IL17RD: variants seen among roughly 807,000 people sequenced by gnomAD.
The protein encoded by IL17RD is interleukin-17 receptor D.
A neutral mutation model predicts 80.5 loss-of-function variants in IL17RD; 52 were observed. The ratio of observed to expected loss-of-function variants is 0.65; its 90% CI spans 0.52 to 0.81. The LOEUF (loss-of-function observed/expected upper bound fraction) is 0.81. Ranked by LOEUF, IL17RD falls within the 40% of genes least tolerant of loss-of-function variation. The pLI is 0.00. For missense variants in IL17RD, 1,024 were observed against 955.1 expected (o/e 1.07, Z -0.95); for synonymous variants, 416 against 391.8 (o/e 1.06, Z -0.73).
At chr3:57,163,007 T>C (rs910096194) in intron 1 of IL17RD, among the ~76,000 whole-genome samples, 3 of 152,108 alleles carry the variant, frequency 2.0e-5, no homozygotes, top group African/African-American at 7.2e-5. Context: ...GGGAAAAGCA[T>C]GTCTTGGAAG....
At position 57,165,231 on chromosome 3, in the gene IL17RD, T is replaced by C. The variant is rs932284191; in HGVS notation, c.56A>G (p.Asn19Ser). Reference sequence around the variant, plus strand: ...AGCGGCCACAGCCAGCTGCGAGCCGTTGAGGCAGGCGTTGACCGTAAAGAA... The same window carrying C: ...AGCGGCCACAGCCAGCTGCGAGCCGCTGAGGCAGGCGTTGACCGTAAAGAA... ...SVFFTVNACL[N>S]GSQLAVAAGG... Residue 19 changes from asparagine to serine, a missense_variant, in exon 1 of 13, where the codon AAC (asparagine) becomes AGC (serine). By Grantham distance (46) the Asn-to-Ser change is conservative. Coordinates refer to ENST00000296318, the MANE Select transcript of IL17RD (RefSeq NM_017563.5). The C allele has an allele frequency of 1.4e-4, 221 of 1,531,346 alleles. No individual in the cohort carries two copies. The highest frequency in any genetic ancestry group is 1.8e-4 in the Non-Finnish European group (204 of 1,139,374). The allele number at this position is 1,531,346 out of a possible 1,614,324, so 94.9% of individuals were successfully genotyped here. A position where few individuals can be genotyped will look rare whatever the true frequency, so the allele number is the denominator to read the frequency against.
At chr3:57,158,798 G>A (rs1044005574) in intron 1 of IL17RD, among the ~76,000 whole-genome samples, 1 of 152,116 alleles carries the variant, frequency 6.6e-6, no homozygotes, top group Non-Finnish European at 1.5e-5. Context: ...TCAATTTTTA[G>A]TTTCCTGCCT....
chr3:57,160,498 G>A (rs1452576172), intron 1 of IL17RD, among the ~76,000 whole-genome samples: 1 of 152,042 alleles, frequency 6.6e-6, no homozygotes, highest in African/African-American at 2.4e-5. Flanking sequence ...CAGGGGAAGT[G>A]TCAAGTCCTC....
intron 3 of IL17RD, among the ~76,000 whole-genome samples, chr3:57,111,012 G>T (rs778719329): frequency 1.4e-4 from 21 of 152,260 alleles, no homozygotes; most frequent in Middle Eastern, 3.4e-3. Flanking sequence ...CCCACTGCAC[G>T]TCCGACTAGA....
At chr3:57,145,635 G>T (rs1559483309) in intron 1 of IL17RD, among the ~76,000 whole-genome samples, 1 of 152,184 alleles carries the variant, frequency 6.6e-6, no homozygotes, top group Non-Finnish European at 1.5e-5. Context: ...CAAGTGTCTA[G>T]GTAGCAAAAG....
chr3:57,105,536 C>CAAAAAAAAAAAAAAAA lies in IL17RD; in HGVS notation c.747+305_747+320dup, dbSNP rs745910085. Among the ~76,000 whole-genome samples the CAAAAAAAAAAAAAAAA allele has an allele frequency of 2.6e-3, 94 of 35,518 alleles. 6 individuals carry two copies. The highest frequency in any genetic ancestry group is 4.0e-3 in the Non-Finnish European group (68 of 16,876). 23.3% of individuals were successfully genotyped at this position (35,518 alleles called of 152,430 possible). A position where few individuals can be genotyped will look rare whatever the true frequency, so the allele number is the denominator to read the frequency against. ...TGGGCAACAGAGCAAGACTCCATCT[C>CAAAAAAAAAAAAAAAA]AAAAAAAAAAAAAAAAATATATATA... On this transcript the variant is annotated intron_variant, in intron 7 of 12. Coordinates refer to ENST00000296318, the MANE Select transcript of IL17RD (RefSeq NM_017563.5).
At chr3:57,107,018 A>G (rs1706979324) in intron 5 of IL17RD, among the ~76,000 whole-genome samples, 1 of 152,210 alleles carries the variant, frequency 6.6e-6, no homozygotes, top group African/African-American at 2.4e-5. Flanking sequence ...CTATCTGGTT[A>G]TTATGTGCAA....
chr3:57,110,935 C>T lies in IL17RD; in HGVS notation c.311-624G>A, dbSNP rs539401667. Among the ~76,000 whole-genome samples the T allele has an allele frequency of 4.6e-5, 7 of 152,352 alleles. No individual in the cohort carries two copies. The South Asian group carries it at 6.2e-4, about 14-fold the overall frequency. ...CAGTGTGTGCTCTTCATACAGCCTCCGAGGCCCCGAGACACCCACAGCGCC... is the reference window on the plus strand; with the variant it reads ...CAGTGTGTGCTCTTCATACAGCCTCTGAGGCCCCGAGACACCCACAGCGCC... On this transcript the variant is annotated intron_variant, in intron 3 of 12. Transcript: ENST00000296318.
At chr3:57,096,676 T>C (rs934629125) in intron 12 of IL17RD, among the ~76,000 whole-genome samples, 171 bp from the exon 13 acceptor site, 1 of 152,160 alleles carries the variant, frequency 6.6e-6, no homozygotes, top group Non-Finnish European at 1.5e-5. Flanking sequence ...TAACAGGTTC[T>C]AGTTCCCTTA....
At chr3:57,127,275 AATATATATAAAT>A (rs1707491739) in intron 1 of IL17RD, among the ~76,000 whole-genome samples, 1 of 71,918 alleles carries the variant, frequency 1.4e-5, no homozygotes, top group African/African-American at 6.3e-5. Flanking sequence ...TATATATAAA[AATATATATAAAT>A]ATATATAAAT....
intron 1 of IL17RD, among the ~76,000 whole-genome samples, chr3:57,145,736 T>C (rs1422830368): frequency 1.3e-5 from 2 of 152,066 alleles, no homozygotes; most frequent in African/African-American, 4.8e-5. Context: ...ATAAAAATAA[T>C]AGTTAAAATC....
intron 1 of IL17RD, among the ~76,000 whole-genome samples, chr3:57,158,953 G>A (rs969985501): frequency 1.3e-5 from 2 of 152,172 alleles, no homozygotes; most frequent in Non-Finnish European, 2.9e-5. Flanking sequence ...GGTAGAATCT[G>A]CAAATAGAGA....
At chr3:57,117,356 C>T (rs1172311592) in intron 2 of IL17RD, among the ~76,000 whole-genome samples, 1 of 152,084 alleles carries the variant, frequency 6.6e-6, no homozygotes, top group Non-Finnish European at 1.5e-5. Flanking sequence ...TCAGGTGATC[C>T]ACCCGCTTTG....
intron 1 of IL17RD, among the ~76,000 whole-genome samples, chr3:57,157,127 G>A (rs2060273428): frequency 6.6e-6 from 1 of 152,138 alleles, no homozygotes. Context: ...AGGGGAAACT[G>A]AGGCAGAGCA....
chr3:57,108,941 C>G (rs571983807), intron 5 of IL17RD, among the ~76,000 whole-genome samples: 9 of 152,242 alleles, frequency 5.9e-5, no homozygotes, highest in Admixed American at 3.3e-4. Context: ...TGTGCTGTGC[C>G]TGGTAATGCA....
At position 57,140,259 on chromosome 3, in the gene IL17RD, A is replaced by G. The variant is rs140195334; in HGVS notation, c.127-19946T>C. Among the ~76,000 whole-genome samples the G allele has an allele frequency of 1.7e-3, 257 of 152,320 alleles. 1 individual carries two copies. The highest frequency in any genetic ancestry group is 6.1e-3 in the African/African-American group (252 of 41,574). On this transcript the variant is annotated intron_variant, in intron 1 of 12. Transcript: ENST00000296318. The stretch of plus-strand genomic sequence containing the variant: ...AAATATACCTTTTTGCAGTTTTTGA[A>G]ACAATGCTACATGGAAAATGTAGAG...
chr3:57,105,552 A>AAAAAAAAAAATAT lies in IL17RD; in HGVS notation c.747+304_747+305insATATTTTTTTTTT. Among the ~76,000 whole-genome samples, 211 of 63,526 alleles carry AAAAAAAAAAATAT rather than the reference A, an allele frequency of 3.3e-3. 15 individuals carry two copies. The highest frequency in any genetic ancestry group is 0.025 in the South Asian group (40 of 1,610). 41.7% of individuals were successfully genotyped at this position (63,526 alleles called of 152,430 possible). ...ACTCCATCTCAAAAAAAAAAAAAAA[A>AAAAAAAAAAATAT]ATATATATATATATATATTTGTTCA... On this transcript the variant is annotated intron_variant, in intron 7 of 12. Transcript: ENST00000296318.
intron 1 of IL17RD, among the ~76,000 whole-genome samples, chr3:57,129,009 A>C (rs559499276): frequency 6.6e-6 from 1 of 152,334 alleles, no homozygotes; most frequent in South Asian, 2.1e-4. Context: ...GACACGCTAT[A>C]AAACATGCCT....
chr3:57,163,735 A>G (rs1349384192), intron 1 of IL17RD, among the ~76,000 whole-genome samples: 4 of 145,554 alleles, frequency 2.7e-5, no homozygotes, highest in Non-Finnish European at 6.0e-5. Context: ...ACACAGTAAG[A>G]AAATGTGATG....
Sources: allele counts gnomAD v4.1 joint callset (sites outside exome capture counted in the v4.1 genomes callset), GRCh38; gene constraint gnomAD v4.1.1; transcripts MANE v1.5; gene names NCBI Gene and HGNC (gene_info 2026-07-23, HGNC 2026-07-21).